The following GPC6 variants were observed in gnomAD, a reference collection of about 807,000 sequenced individuals.
GPC6 encodes glypican 6.
A neutral mutation model predicts 55.2 loss-of-function variants in GPC6; 14 were observed. That is an observed-to-expected ratio of 0.25 (90% CI 0.17 to 0.40). The LOEUF is 0.40. GPC6 is among the 10% of genes least tolerant of loss of function. The pLI is 1.00. For synonymous variants in GPC6, 278 were observed against 259.6 expected (o/e 1.07, Z -0.68); for missense variants, 641 against 708.5 (o/e 0.90, Z 1.08).
intron 3 of GPC6, among the ~76,000 whole-genome samples, chr13:94,001,178 A>C (rs2140424788): frequency 6.6e-6 from 1 of 152,302 alleles, no homozygotes; most frequent in South Asian, 2.1e-4. Flanking sequence ...ATACTCTCTA[A>C]GCCTCAGTTT....
chr13:93,427,064 C>A lies in GPC6; in HGVS notation c.161-118199C>A, dbSNP rs1183072370. On this transcript the variant is annotated intron_variant, in intron 1 of 8. Coordinates refer to ENST00000377047, the MANE Select transcript of GPC6 (RefSeq NM_005708.5). ...TTGAGAAGTGTCTGTTCATGTCCTT[C>A]GCCCACTTTTTGATGGGGTTGTTTG... Among the ~76,000 whole-genome samples, 3 of 149,382 alleles carry A rather than the reference C, an allele frequency of 2.0e-5. No homozygotes were observed. The Admixed American group carries it at 2.0e-4, about 10-fold the overall frequency.
In GPC6 at chr13:93,556,711, C is replaced by A. The variant is rs536041298; in HGVS notation, c.319+11290C>A. ...CACCACTCACTCGCTGCCCGTCACT[C>A]CCCTTCCCAACCTCTGGTAACCACC... On this transcript the variant is annotated intron_variant, in intron 2 of 8. Transcript: ENST00000377047. Among the ~76,000 whole-genome samples, 77 of 152,076 alleles carry A rather than the reference C, an allele frequency of 5.1e-4. No individual in the cohort carries two copies. In the South Asian group the frequency reaches 0.013, roughly 25 times the overall value.
chr13:93,348,132 C>T (rs1299919308), intron 1 of GPC6, among the ~76,000 whole-genome samples: 1 of 152,074 alleles, frequency 6.6e-6, no homozygotes, highest in Non-Finnish European at 1.5e-5. Context: ...CAAAAAAGGA[C>T]CTTGTATTTT....
At chr13:93,441,334 T>C (rs1411611432) in intron 1 of GPC6, among the ~76,000 whole-genome samples, 2 of 151,472 alleles carry the variant, frequency 1.3e-5, no homozygotes, top group South Asian at 2.1e-4. Context: ...GTTCCTATTT[T>C]TCCACATCCT....
rs1877742875 is a variant in GPC6 at position 93,924,397 on chromosome 13, C to A, written c.711+93852C>A. On this transcript the variant is annotated intron_variant, in intron 3 of 8. Coordinates refer to ENST00000377047, the MANE Select transcript of GPC6 (RefSeq NM_005708.5). ...TGCGTTTTCTCCTCCATCAAAGCCA[C>A]CATGTTTATGGTGTTTTAACAAACA... Among the ~76,000 whole-genome samples the A allele has an allele frequency of 2.0e-5, 3 of 152,200 alleles. No individual in the cohort carries two copies. The South Asian group carries it at 6.2e-4, about 32-fold the overall frequency.
chr13:93,689,365 T>A (rs941464980), intron 2 of GPC6, among the ~76,000 whole-genome samples: 5 of 152,202 alleles, frequency 3.3e-5, no homozygotes, highest in Admixed American at 2.6e-4. Flanking sequence ...AAAATACAGA[T>A]ATGTAACAAA....
intron 6 of GPC6, among the ~76,000 whole-genome samples, chr13:94,324,055 C>T (rs1244025509): frequency 6.6e-6 from 1 of 152,166 alleles, no homozygotes; most frequent in African/African-American, 2.4e-5. Flanking sequence ...AACACTGGAG[C>T]TTCTCTCCAA....
intron 1 of GPC6, among the ~76,000 whole-genome samples, chr13:93,417,935 G>C (rs115008266): frequency 6.6e-6 from 1 of 151,868 alleles, no homozygotes; most frequent in African/African-American, 2.4e-5. Context: ...ATTTGTCAAC[G>C]ATTCACTTCT....
chr13:94,097,343 A>C (rs1164039095), intron 4 of GPC6, among the ~76,000 whole-genome samples: 2 of 151,804 alleles, frequency 1.3e-5, no homozygotes, highest in Non-Finnish European at 2.9e-5. Flanking sequence ...TCTACTAAAA[A>C]CAAAAACAAA....
chr13:93,898,324 A>G (rs998364625), intron 3 of GPC6, among the ~76,000 whole-genome samples: 1 of 152,152 alleles, frequency 6.6e-6, no homozygotes, highest in Non-Finnish European at 1.5e-5. Context: ...CTGTGGGCTC[A>G]CATTCTAGAA....
chr13:93,443,613 G>C (rs1259399380), intron 1 of GPC6, among the ~76,000 whole-genome samples: 1 of 152,116 alleles, frequency 6.6e-6, no homozygotes, highest in African/African-American at 2.4e-5. Context: ...ACAGCACATA[G>C]TTTAAAATGA....
intron 2 of GPC6, among the ~76,000 whole-genome samples, chr13:93,649,935 C>A (rs1268355073): frequency 3.3e-5 from 5 of 151,992 alleles, no homozygotes; most frequent in Admixed American, 3.3e-4. Flanking sequence ...TGAATAGACG[C>A]CCATATTTCA....
At chr13:93,229,779 C>T (rs1875946223) in intron 1 of GPC6, among the ~76,000 whole-genome samples, 2 of 151,766 alleles carry the variant, frequency 1.3e-5, no homozygotes, top group African/African-American at 4.8e-5. Context: ...TGCTTTAAGC[C>T]TTGTGTCCTT....
At chr13:93,483,328 A>G (rs1428603393) in intron 1 of GPC6, among the ~76,000 whole-genome samples, 5 of 152,254 alleles carry the variant, frequency 3.3e-5, no homozygotes, top group South Asian at 2.1e-4. Context: ...TATGATTACT[A>G]TTGTGAAACT....
rs546982988 is a variant in GPC6, at chr13:93,598,293, A to G, written c.319+52872A>G. ...ATCGAGTCCAGGCTTGTTTCTGTGC[A>G]TATCATGATGTCTCTGTTATGAATA... On this transcript the variant is annotated intron_variant, in intron 2 of 8. Coordinates refer to ENST00000377047, the MANE Select transcript of GPC6 (RefSeq NM_005708.5). Among the ~76,000 whole-genome samples, 5 of 152,328 alleles carry G rather than the reference A, an allele frequency of 3.3e-5. No individual in the cohort carries two copies. The South Asian group carries it at 6.2e-4, about 19-fold the overall frequency.
chr13:94,067,007 T>G (rs1332583609), intron 4 of GPC6, among the ~76,000 whole-genome samples: 82 of 152,230 alleles, frequency 5.4e-4, no homozygotes, highest in Non-Finnish European at 2.2e-4. Flanking sequence ...ATTACATTTT[T>G]TAACTTTCAA....
intron 2 of GPC6, among the ~76,000 whole-genome samples, chr13:93,621,181 G>A (rs1878937602): frequency 6.6e-6 from 1 of 152,130 alleles, no homozygotes; most frequent in African/African-American, 2.4e-5. Context: ...GGTTGCCAGA[G>A]CCCTCAAGGC....
intron 2 of GPC6, among the ~76,000 whole-genome samples, chr13:93,703,119 C>T (rs1882728830): frequency 6.6e-6 from 1 of 151,762 alleles, no homozygotes; most frequent in Non-Finnish European, 1.5e-5. Context: ...AAATAAGAAA[C>T]TTCTACTTGA....
chr13:94,036,489 G>C (rs1173385139), intron 4 of GPC6, among the ~76,000 whole-genome samples: 1 of 151,980 alleles, frequency 6.6e-6, no homozygotes, highest in Non-Finnish European at 1.5e-5. Flanking sequence ...TATTCTTTAA[G>C]AGGCAGGAAT....
Sources: gnomAD v4.1 joint callset for allele counts (sites outside exome capture counted in the v4.1 genomes callset) on GRCh38, gnomAD v4.1.1 for gene constraint, MANE v1.5 for transcripts, NCBI Gene and HGNC (gene_info 2026-07-23, HGNC 2026-07-21) for gene names.